Variants in PHLPP2 observed in about 807,000 individuals in gnomAD.
PHLPP2 encodes the protein PH domain leucine-rich repeat-containing protein phosphatase 2.
A neutral mutation model predicts 124.9 loss-of-function variants in PHLPP2; 66 were observed. The observed-to-expected ratio is 0.53, with a 90% CI of 0.43 to 0.65. PHLPP2 has a LOEUF of 0.65. Among genes scored for constraint, PHLPP2 ranks in the 30% least tolerant of loss-of-function variants. The pLI, the probability that PHLPP2 is intolerant of heterozygous loss-of-function variation, is 0.00. For synonymous variants in PHLPP2, 681 were observed against 624.7 expected (o/e 1.09, Z -1.34); for missense variants, 1,685 against 1,600.4 (o/e 1.05, Z -0.90).
At chr16:71,702,430 C>T (rs1345512138) in intron 3 of PHLPP2, among the ~76,000 whole-genome samples, 168 bp downstream of exon 3, 2 of 152,188 alleles carry the variant, frequency 1.3e-5, no homozygotes, top group Admixed American at 6.5e-5. Flanking sequence ...TGTTCCCTTA[C>T]CCCTGACCTC....
At chr16:71,691,224 G>A (rs1956108320) in intron 3 of PHLPP2, among the ~76,000 whole-genome samples, 1 of 152,142 alleles carries the variant, frequency 6.6e-6, no homozygotes, top group African/African-American at 2.4e-5. Flanking sequence ...GGGGGCCAAG[G>A]CGGGCATATC....
intron 13 of PHLPP2, 141 bp from the exon 14 acceptor site, chr16:71,658,956 G>C (rs2044765226): frequency 2.8e-6 from 2 of 708,090 alleles, no homozygotes; most frequent in Non-Finnish European, 4.8e-6. Context: ...ACCGATACCA[G>C]GAATACCAGG....
At chr16:71,681,979 AT>A in intron 5 of PHLPP2, 74 bp from the exon 6 acceptor site, 1 of 1,075,564 alleles carries the variant, frequency 9.3e-7, no homozygotes, top group Non-Finnish European at 1.3e-6. Context: ...ATGGAATGGC[AT>A]TTACACAAAA....
At chr16:71,679,069 G>T in intron 7 of PHLPP2, 84 bp from the exon 8 acceptor site, 1 of 764,416 alleles carries the variant, frequency 1.3e-6, no homozygotes, top group Non-Finnish European at 2.2e-6. Context: ...TCTGATTTAT[G>T]TCACTAATTT....
intron 5 of PHLPP2, among the ~76,000 whole-genome samples, chr16:71,683,984 G>T (rs995076723): frequency 6.6e-6 from 1 of 151,946 alleles, no homozygotes; most frequent in Non-Finnish European, 1.5e-5. Flanking sequence ...TAGAGACGGG[G>T]TTTCTCCATG....
At position 71,655,443 on chromosome 16, in the gene PHLPP2, G is replaced by C. The variant is rs775729263; in HGVS notation, c.2391-9C>G. ...GTGCTGAGACACACAGCCTATAATAGAAACATGAAAACAGAAAACAGAAAA... is the reference window on the plus strand; with the variant it reads ...GTGCTGAGACACACAGCCTATAATACAAACATGAAAACAGAAAACAGAAAA... On this transcript the variant is annotated splice_polypyrimidine_tract_variant and intron_variant, in intron 16 of 18. Transcript: ENST00000568954. The C allele has an allele frequency of 1.5e-5, 23 of 1,585,926 alleles. No individual in the cohort carries two copies. The highest frequency in any genetic ancestry group is 6.8e-5 in the African/African-American group (5 of 73,742).
chr16:71,666,688 G>A (rs895314879), intron 12 of PHLPP2, among the ~76,000 whole-genome samples: 1 of 152,138 alleles, frequency 6.6e-6, no homozygotes, highest in Non-Finnish European at 1.5e-5. Flanking sequence ...CTTCTGGAAG[G>A]ACATTATCTG....
intron 17 of PHLPP2, among the ~76,000 whole-genome samples, chr16:71,653,872 T>G (rs954764646): frequency 6.6e-6 from 1 of 152,152 alleles, no homozygotes; most frequent in Non-Finnish European, 1.5e-5. Flanking sequence ...CCATCCTGGC[T>G]AACACGGTGA....
In PHLPP2 at chr16:71,668,415, C is replaced by CAA. The variant is rs34860764; in HGVS notation, c.1628+858_1628+859dup. On this transcript the variant is annotated intron_variant, in intron 11 of 18. Transcript: ENST00000568954. ...TGGGCGATAGAGCGAGACTCTGTCTCAAAAAAAAAAAAAAAAAAAAAAAAA... is the reference window on the plus strand; with the variant it reads ...TGGGCGATAGAGCGAGACTCTGTCTCAAAAAAAAAAAAAAAAAAAAAAAAAAA... Among the ~76,000 whole-genome samples the CAA allele has an allele frequency of 4.4e-3, 119 of 26,940 alleles. 8 individuals carry two copies. Among genetic ancestry groups the CAA allele is most frequent in the Non-Finnish European group, 5.0e-3 (79 of 15,844 alleles). 17.7% of individuals were successfully genotyped at this position (26,940 alleles called of 152,430 possible).
At chr16:71,694,215 T>C (rs895932243) in intron 3 of PHLPP2, among the ~76,000 whole-genome samples, 2 of 149,390 alleles carry the variant, frequency 1.3e-5, no homozygotes, top group Non-Finnish European at 3.0e-5. Flanking sequence ...TAAAATAAAA[T>C]AATTTTTAAA....
At chr16:71,705,163 C>A (rs564535592) in intron 2 of PHLPP2, among the ~76,000 whole-genome samples, 1 of 152,264 alleles carries the variant, frequency 6.6e-6, no homozygotes, top group African/African-American at 2.4e-5. Flanking sequence ...AGAAGAAACA[C>A]CTGTAAGAAC....
intron 3 of PHLPP2, among the ~76,000 whole-genome samples, chr16:71,699,881 C>T (rs1315066770): frequency 6.6e-6 from 1 of 152,214 alleles, no homozygotes; most frequent in Non-Finnish European, 1.5e-5. Context: ...CAGCCAGTTC[C>T]TGCACTCGCT....
chr16:71,657,683 C>T (rs12051506), intron 15 of PHLPP2, among the ~76,000 whole-genome samples: 51,683 of 151,994 alleles, frequency 0.34, 9,590 homozygotes, highest in East Asian at 0.73. Flanking sequence ...CGTGAGCCAC[C>T]GCACACGGCC....
intron 7 of PHLPP2, 59 bp from the exon 8 acceptor site, chr16:71,679,044 A>T: frequency 1.1e-6 from 1 of 940,634 alleles, no homozygotes; most frequent in Admixed American, 1.9e-5. Context: ...AATGCACAGA[A>T]TCAGAGTTAG....
intron 3 of PHLPP2, among the ~76,000 whole-genome samples, chr16:71,691,452 C>A (rs556695214): frequency 1.4e-5 from 2 of 146,980 alleles, no homozygotes; most frequent in African/African-American, 5.1e-5. Context: ...CAGAGCAAGA[C>A]GCTGTCTCAA....
At chr16:71,700,232 T>C (rs1428706160) in intron 3 of PHLPP2, among the ~76,000 whole-genome samples, 1 of 151,894 alleles carries the variant, frequency 6.6e-6, no homozygotes, top group African/African-American at 2.4e-5. Flanking sequence ...TGGCGAGACC[T>C]CAGCTCTACA....
chr16:71,653,268 A>C (rs1195486215), intron 17 of PHLPP2, among the ~76,000 whole-genome samples: 1 of 152,016 alleles, frequency 6.6e-6, no homozygotes, highest in African/African-American at 2.4e-5. Flanking sequence ...ATCTTTCTCC[A>C]TAGCTTTTGT....
intron 2 of PHLPP2, among the ~76,000 whole-genome samples, chr16:71,713,294 G>T (rs895714441): frequency 7.9e-5 from 12 of 152,100 alleles, no homozygotes; most frequent in African/African-American, 2.9e-4. Flanking sequence ...TCATTCATGT[G>T]TATGTGCCTC....
At chr16:71,653,049 C>T (rs776106430) in intron 17 of PHLPP2, 28 bp from the exon 18 acceptor site, 6 of 1,468,894 alleles carry the variant, frequency 4.1e-6, no homozygotes, top group East Asian at 4.6e-5. Flanking sequence ...GAAAAGAAGA[C>T]GTGGTGGCTA....
Sources: allele counts gnomAD v4.1 joint callset (sites outside exome capture counted in the v4.1 genomes callset), GRCh38; gene constraint gnomAD v4.1.1; transcripts MANE v1.5; gene names NCBI Gene and HGNC (gene_info 2026-07-23, HGNC 2026-07-21).